The following GPHN variants were observed in gnomAD, a reference collection of about 807,000 sequenced individuals.
The protein encoded by GPHN is gephyrin.
GPHN carries 17 observed loss-of-function variants against 95.5 expected under a neutral mutation model. That is an observed-to-expected ratio of 0.18 (90% confidence interval 0.12 to 0.27). The LOEUF (loss-of-function observed/expected upper bound fraction) is 0.27, where lower values mean the gene tolerates loss of function less well. Among genes scored for constraint, GPHN ranks in the 10% least tolerant of loss-of-function variants. The pLI is 1.00. For synonymous variants in GPHN, 320 were observed against 322.5 expected, an observed-to-expected ratio of 0.99 and a Z score of 0.08; for missense variants, 660 against 978.1, an observed-to-expected ratio of 0.67 and a Z score of 4.34.
chr14:67,296,388 CAGG>C, the GPHN span, among the ~76,000 whole-genome samples: 1 of 152,010 alleles, frequency 6.6e-6, no homozygotes, highest in African/African-American at 2.4e-5. Flanking sequence ...ATCACGAGGT[CAGG>C]AGATCGAGAC....
At position 66,997,291 on chromosome 14, in the gene GPHN, C is replaced by T. The variant is rs560705025; in HGVS notation, c.964-26342C>T. ...CTGAGGCAGGAGAATCACTTGAACCCGGGAGGCAGAGGTTGCAGTGAGCCA... is the reference window on the plus strand; with the variant it reads ...CTGAGGCAGGAGAATCACTTGAACCTGGGAGGCAGAGGTTGCAGTGAGCCA... On this transcript the variant is annotated intron_variant, in intron 9 of 22. Coordinates refer to ENST00000478722, the MANE Select transcript of GPHN (RefSeq NM_020806.5). 4.6e-5 allele frequency among the ~76,000 whole-genome samples: 7 copies of T among 151,072 alleles called. No homozygotes were observed. The South Asian group carries it at 8.4e-4, about 18-fold the overall frequency.
At chr14:67,437,579 G>C in the GPHN span, among the ~76,000 whole-genome samples, 446 of 152,306 alleles carry the variant, frequency 2.9e-3, 1 homozygote, top group Middle Eastern at 0.01. Flanking sequence ...GCGGGCAGCC[G>C]TGGGAGGAAG....
chr14:67,185,487 CAA>C (rs775949130), downstream of GPHN, among the ~76,000 whole-genome samples: 1 of 152,128 alleles, frequency 6.6e-6, no homozygotes, highest in Non-Finnish European at 1.5e-5. Flanking sequence ...ATTTATTTGA[CAA>C]ATTATATAAG....
chr14:66,808,732 G>A (rs1028049831), intron 3 of GPHN, among the ~76,000 whole-genome samples: 3 of 152,152 alleles, frequency 2.0e-5, no homozygotes, highest in African/African-American at 7.2e-5. Context: ...GGGAGGCAGA[G>A]GTTGCAGTGA....
At chr14:67,295,104 A>AGTGTGTGTGTGTGTGTGTGTGT in the GPHN span, 10 of 138,012 alleles carry the variant, frequency 7.2e-5, no homozygotes, top group African/African-American at 2.9e-4. Flanking sequence ...GAGATATTGA[A>AGTGTGTGTGTGTGTGTGTGTGT]GTGTGTGTGT....
intron 18 of GPHN, among the ~76,000 whole-genome samples, chr14:67,148,073 G>A (rs1357389048): frequency 2.6e-5 from 4 of 152,154 alleles, no homozygotes; most frequent in Non-Finnish European, 5.9e-5. Context: ...GGCACTTGAT[G>A]AAGACCTGAG....
chr14:67,522,244 T>C, the GPHN span, among the ~76,000 whole-genome samples: 5 of 152,094 alleles, frequency 3.3e-5, no homozygotes, highest in Non-Finnish European at 5.9e-5. Context: ...TCCACACATA[T>C]CCCCGTACCC....
At chr14:67,221,826 T>C in the GPHN span, 10 of 1,611,912 alleles carry the variant, frequency 6.2e-6, no homozygotes, top group Non-Finnish European at 8.5e-6. Flanking sequence ...CAAATTCCAC[T>C]ACATGTTTTA....
chr14:67,629,604 A>G, the GPHN span, among the ~76,000 whole-genome samples: 1 of 149,392 alleles, frequency 6.7e-6, no homozygotes, highest in African/African-American at 2.4e-5. Context: ...GAGATGGATG[A>G]TGGTAGTGAT....
intron 1 of GPHN, among the ~76,000 whole-genome samples, chr14:66,589,498 T>C (rs2140585630): frequency 6.7e-6 from 1 of 150,246 alleles, no homozygotes; most frequent in Non-Finnish European, 1.5e-5. Flanking sequence ...CTGATCTCAA[T>C]CCTAGTCTCT....
chr14:66,718,331 T>C (rs2070387454), intron 2 of GPHN, among the ~76,000 whole-genome samples: 1 of 152,148 alleles, frequency 6.6e-6, no homozygotes, highest in Admixed American at 6.5e-5. Flanking sequence ...TTACAGTTCT[T>C]AAAGGTGGCA....
At chr14:66,649,393 A>G (rs984985518) in intron 1 of GPHN, among the ~76,000 whole-genome samples, 1 of 151,898 alleles carries the variant, frequency 6.6e-6, no homozygotes, top group Non-Finnish European at 1.5e-5. Context: ...GACCAGTAGC[A>G]GTCCGTGACC....
At chr14:67,566,667 G>C in the GPHN span, among the ~76,000 whole-genome samples, 1 of 151,560 alleles carries the variant, frequency 6.6e-6, no homozygotes, top group Admixed American at 6.6e-5. Context: ...AGTTAAGTTT[G>C]AGCCCAGGGA....
intron 5 of GPHN, among the ~76,000 whole-genome samples, chr14:66,910,999 A>C (rs1334346837): frequency 6.6e-6 from 1 of 152,052 alleles, no homozygotes; most frequent in Non-Finnish European, 1.5e-5. Context: ...AAGTTGTATA[A>C]GAATATGCAC....
At position 66,740,310 on chromosome 14, in the gene GPHN, A is replaced by G. The variant is rs536646292; in HGVS notation, c.144-36154A>G. 2.3e-4 allele frequency among the ~76,000 whole-genome samples: 35 copies of G among 152,270 alleles called. No homozygotes were observed. The South Asian group carries it at 6.8e-3, about 30-fold the overall frequency. Reference sequence around the variant, plus strand: ...TTCATCCATTACAAATTATGTTACTATAAATACTTAACGTCATGAGGGAAA... The same window carrying G: ...TTCATCCATTACAAATTATGTTACTGTAAATACTTAACGTCATGAGGGAAA... On this transcript the variant is annotated intron_variant, in intron 2 of 22. Transcript: ENST00000478722.
At chr14:66,895,460 A>C (rs1227697430) in intron 5 of GPHN, among the ~76,000 whole-genome samples, 1 of 152,196 alleles carries the variant, frequency 6.6e-6, no homozygotes, top group Non-Finnish European at 1.5e-5. Flanking sequence ...ATACATATGT[A>C]ACAAACCTGC....
chr14:66,717,799 G>C (rs989216365), intron 2 of GPHN, among the ~76,000 whole-genome samples: 1 of 152,170 alleles, frequency 6.6e-6, no homozygotes, highest in Non-Finnish European at 1.5e-5. Flanking sequence ...CATCTACCGC[G>C]CCTACCCGGC....
At chr14:67,086,884 A>G (rs1029707785) in intron 11 of GPHN, among the ~76,000 whole-genome samples, 1 of 150,740 alleles carries the variant, frequency 6.6e-6, no homozygotes, top group African/African-American at 2.4e-5. Flanking sequence ...TAAAAATACA[A>G]AAAATTAGCC....
intron 10 of GPHN, among the ~76,000 whole-genome samples, chr14:67,053,447 G>A (rs916361351): frequency 2.0e-5 from 3 of 152,080 alleles, no homozygotes; most frequent in Admixed American, 2.0e-4. Flanking sequence ...ACAATAACAA[G>A]TTCTGAAATT....
Sources: gnomAD v4.1 joint callset for allele counts (sites outside exome capture counted in the v4.1 genomes callset) on GRCh38, gnomAD v4.1.1 for gene constraint, MANE v1.5 for transcripts, NCBI Gene and HGNC (gene_info 2026-07-23, HGNC 2026-07-21) for gene names.